Variants in CELSR1 observed in about 807,000 individuals in gnomAD.
CELSR1 encodes the protein cadherin EGF LAG seven-pass G-type receptor 1, also known as adhesion G protein-coupled receptor C1.
A neutral mutation model predicts 249.1 loss-of-function variants in CELSR1; 110 were observed. The ratio of observed to expected loss-of-function variants is 0.44; its 90% CI spans 0.38 to 0.52. The LOEUF (loss-of-function observed/expected upper bound fraction) is 0.52. Among genes scored for constraint, CELSR1 ranks in the 20% least tolerant of loss-of-function variants. CELSR1 has a pLI of 0.00. For synonymous variants in CELSR1, 2,113 were observed against 1,900.0 expected (o/e 1.11, Z -2.92); for missense variants, 4,109 against 4,296.4 (o/e 0.96, Z 1.22).
At chr22:46,516,378 G>A (rs1569213602) in intron 1 of CELSR1, among the ~76,000 whole-genome samples, 1 of 151,994 alleles carries the variant, frequency 6.6e-6, no homozygotes, top group Non-Finnish European at 1.5e-5. Context: ...AACACCGCAT[G>A]TTCTCACTCA....
chr22:46,501,350 C>T (rs932201394), intron 1 of CELSR1, among the ~76,000 whole-genome samples: 5 of 151,950 alleles, frequency 3.3e-5, no homozygotes, highest in African/African-American at 1.2e-4. Context: ...GGATTACAGG[C>T]ATGCACCACC....
chr22:46,385,418 C>A (rs375696795), intron 19 of CELSR1, among the ~76,000 whole-genome samples: 2 of 152,310 alleles, frequency 1.3e-5, no homozygotes, highest in Admixed American at 1.3e-4. Context: ...TAGAACAGAA[C>A]TGACTTCCAA....
At position 46,427,138 on chromosome 22, in the gene CELSR1, T is replaced by C. The variant is rs1470815823; in HGVS notation, c.4611+6255A>G. On this transcript the variant is annotated intron_variant, in intron 5 of 34. Coordinates refer to ENST00000674500, the MANE Select transcript of CELSR1 (RefSeq NM_001378328.1). This position sits in a 1 kb window ranked among gnomAD's most constrained non-coding sequence, Gnocchi z 4.2. ...ACACACACACCTACACAGACGTCTA[T>C]GTCCTAGCTCTGCCCAGTAAGAGAG... Among the ~76,000 whole-genome samples the C allele has an allele frequency of 6.6e-6, 1 of 152,174 alleles. No homozygotes were observed.
At position 46,463,818 on chromosome 22, in the gene CELSR1, C is replaced by A. The variant is rs538910408; in HGVS notation, c.4072G>T (p.Asp1358Tyr). The A allele has an allele frequency of 6.2e-7, 1 of 1,610,742 alleles. No homozygotes were observed. Among genetic ancestry groups the A allele is most frequent in the East Asian group, 2.2e-5 (1 of 44,822 alleles). ...AGGTCGATCTCCGTCTCGCAGTAGTCGCCGGTGAAGCCGGGCGGGCAGCGG... is the reference window on the plus strand; with the variant it reads ...AGGTCGATCTCCGTCTCGCAGTAGTAGCCGGTGAAGCCGGGCGGGCAGCGG... ...RCRCPPGFTG[D>Y]YCETEIDLCY... Residue 1358 changes from aspartate (D) to tyrosine (Y), a missense_variant, in exon 2 of 35, where the codon GAC becomes TAC. Physicochemically the swap from Asp to Tyr is radical, Grantham distance 160. Around this residue, in one of 7 missense-constraint regions of CELSR1, gnomAD observed 453 missense variants for 492.0 expected, o/e 0.92. Coordinates refer to ENST00000674500, the MANE Select transcript of CELSR1 (RefSeq NM_001378328.1).
chr22:46,405,440 A>G (rs2079254931), intron 9 of CELSR1, among the ~76,000 whole-genome samples: 1 of 145,446 alleles, frequency 6.9e-6, no homozygotes, highest in African/African-American at 2.7e-5. Context: ...AGCCTGGGTG[A>G]CAGAGCGAGA....
At chr22:46,373,739 T>C (rs935655297) in intron 24 of CELSR1, among the ~76,000 whole-genome samples, 5 of 142,760 alleles carry the variant, frequency 3.5e-5, no homozygotes, top group East Asian at 4.0e-4. Flanking sequence ...ATGGGAGCAA[T>C]AGGAGCAATG....
intron 1 of CELSR1, among the ~76,000 whole-genome samples, chr22:46,474,788 C>CCTTTTTTTT (rs2080191078): frequency 1.1e-5 from 1 of 89,624 alleles, no homozygotes; most frequent in Non-Finnish European, 2.0e-5. Context: ...CTCTCTACTT[C>CCTTTTTTTT]TTTTTTTTTT....
chr22:46,416,056 T>C (rs1329122460), intron 5 of CELSR1, among the ~76,000 whole-genome samples: 1 of 145,102 alleles, frequency 6.9e-6, no homozygotes, highest in African/African-American at 2.7e-5. Flanking sequence ...GGAAAAGCAC[T>C]TGGTGGCTTG....
chr22:46,402,712 G>A lies in CELSR1; in HGVS notation c.5227-2810C>T, dbSNP rs1008622287. ...GAACCACAAAACTTTCAAGGAAACAGACTCAGTGAGACAATTAGACTTACT... is the reference window on the plus strand; with the variant it reads ...GAACCACAAAACTTTCAAGGAAACAAACTCAGTGAGACAATTAGACTTACT... On this transcript the variant is annotated intron_variant, in intron 9 of 34. Transcript: ENST00000674500. The surrounding 1 kb of genome is among the most constrained non-coding windows in gnomAD (Gnocchi z 5.0). 2.1e-4 allele frequency among the ~76,000 whole-genome samples: 32 copies of A among 152,136 alleles called. No individual in the cohort carries two copies. Among genetic ancestry groups the A allele is most frequent in the African/African-American group, 7.7e-4 (32 of 41,420 alleles).
At position 46,374,065 on chromosome 22, in the gene CELSR1, G is replaced by A. The variant is rs180874918; in HGVS notation, c.7585-1008C>T. Among the ~76,000 whole-genome samples, 3 of 152,220 alleles carry A rather than the reference G, an allele frequency of 2.0e-5. No homozygotes were observed. Among genetic ancestry groups the A allele is most frequent in the African/African-American group, 4.8e-5 (2 of 41,456 alleles). Reference sequence around the variant, plus strand: ...AGTCAGCATCGCATCTGTCAGATACGGAACAGAGCAGGAACCGAAGCAGGG... The same window carrying A: ...AGTCAGCATCGCATCTGTCAGATACAGAACAGAGCAGGAACCGAAGCAGGG... On this transcript the variant is annotated intron_variant, in intron 24 of 34. Transcript: ENST00000674500. The surrounding 1 kb of genome is among the most constrained non-coding windows in gnomAD (Gnocchi z 4.3).
intron 24 of CELSR1, among the ~76,000 whole-genome samples, chr22:46,376,019 C>T (rs2078914696): frequency 1.3e-5 from 2 of 152,210 alleles, no homozygotes; most frequent in Non-Finnish European, 2.9e-5. Flanking sequence ...TGAGTGGGTT[C>T]CTGATGTTAC....
intron 17 of CELSR1, 79 bp from the exon 18 acceptor site, chr22:46,389,578 T>A: frequency 7.2e-7 from 1 of 1,382,246 alleles, no homozygotes; most frequent in Non-Finnish European, 1.0e-6. Context: ...AGCAACTCAC[T>A]ACTGTCTGGT....
At chr22:46,523,958 C>T (rs1032886446) in intron 1 of CELSR1, among the ~76,000 whole-genome samples, 1 of 152,248 alleles carries the variant, frequency 6.6e-6, no homozygotes, top group Non-Finnish European at 1.5e-5. Flanking sequence ...CGCCCACCCC[C>T]ACAATCAGGC....
At chr22:46,476,511 G>A (rs565164716) in intron 1 of CELSR1, among the ~76,000 whole-genome samples, 12 of 151,064 alleles carry the variant, frequency 7.9e-5, no homozygotes, top group Non-Finnish European at 1.5e-4. Flanking sequence ...TGGGAGAATC[G>A]CTTGAACCTG....
At chr22:46,452,311 TG>T (rs1356643623) in intron 2 of CELSR1, among the ~76,000 whole-genome samples, 1 of 152,120 alleles carries the variant, frequency 6.6e-6, no homozygotes, top group African/African-American at 2.4e-5. Flanking sequence ...AAACACTCCT[TG>T]TTTGCCAGGG....
chr22:46,384,513 G>T (rs770228954), intron 20 of CELSR1, 30 bp downstream of exon 20: 2 of 1,563,640 alleles, frequency 1.3e-6, no homozygotes, highest in Non-Finnish European at 1.7e-6. Context: ...GGGACTCCGA[G>T]GGCAGCAGCA....
intron 2 of CELSR1, among the ~76,000 whole-genome samples, chr22:46,451,064 C>T (rs937009697): frequency 6.6e-6 from 1 of 152,136 alleles, no homozygotes; most frequent in Non-Finnish European, 1.5e-5. Context: ...CTCCTCCTCC[C>T]CAGCTCCCAC....
chr22:46,475,084 A>T (rs1255996295), intron 1 of CELSR1, among the ~76,000 whole-genome samples: 2 of 152,164 alleles, frequency 1.3e-5, no homozygotes, highest in African/African-American at 4.8e-5. Flanking sequence ...TTTCAAAGGC[A>T]CACTTATTCA....
At chr22:46,465,776 A>C (rs1467588292) in intron 1 of CELSR1, among the ~76,000 whole-genome samples, 1 of 152,250 alleles carries the variant, frequency 6.6e-6, no homozygotes, top group Non-Finnish European at 1.5e-5. Flanking sequence ...CCAAGATCCC[A>C]AGAGATTCTA....
Sources: gnomAD v4.1 joint callset for allele counts (sites outside exome capture counted in the v4.1 genomes callset) on GRCh38, gnomAD v4.1.1 for gene constraint, gnomAD v4.1.1 regional missense constraint, Gnocchi (gnomAD v3.1) non-coding constraint, MANE v1.5 for transcripts, NCBI Gene and HGNC (gene_info 2026-07-23, HGNC 2026-07-21) for gene names.